DIPK2A: variants seen among roughly 807,000 people sequenced by gnomAD.
DIPK2A encodes Golgi Protein of 49 kDa.
In DIPK2A, 27 loss-of-function variants were observed where a neutral mutation model predicts 39.0. The observed-to-expected ratio is 0.69, with a 90% CI of 0.51 to 0.96. The LOEUF (loss-of-function observed/expected upper bound fraction) is 0.96. Ranked by LOEUF, DIPK2A falls within the 40% of genes least tolerant of loss-of-function variation. The pLI is 0.00. For missense variants in DIPK2A, 528 were observed against 571.3 expected (o/e 0.92, Z 0.77); for synonymous variants, 298 against 240.8 (o/e 1.24, Z -2.20).
intron 1 of DIPK2A, among the ~76,000 whole-genome samples, chr3:143,982,298 G>T (rs1353354011): frequency 1.3e-5 from 2 of 152,140 alleles, no homozygotes; most frequent in Non-Finnish European, 2.9e-5. Context: ...TTTAGTAGGT[G>T]TTTAGGAGGT....
chr3:143,972,416 G>T lies in DIPK2A; in HGVS notation c.84G>T (p.Met28Ile). ...CGCTGGGCAGCCTGTTGGTGCTGAT[G>T]GTGCTGCACTCGCCGTCGCTGCTCG... Reference protein sequence around the residue: ...LAALGSLLVLMVLHSPSLLAS... With the variant: ...LAALGSLLVLIVLHSPSLLAS... Residue 28 changes from methionine to isoleucine, a missense_variant, in exon 1 of 3, where the codon ATG (methionine) becomes ATT (isoleucine). Met to Ile is a conservative substitution (Grantham distance 10, BLOSUM62 1). Coordinates refer to ENST00000315691, the MANE Select transcript of DIPK2A (RefSeq NM_173552.5). 6.5e-7 allele frequency: 1 copy of T among 1,533,416 alleles called. No homozygotes were observed. Among genetic ancestry groups the T allele is most frequent in the Non-Finnish European group, 8.8e-7 (1 of 1,137,698 alleles). 95.0% of individuals were successfully genotyped at this position (1,533,416 alleles called of 1,614,324 possible). A position where few individuals can be genotyped will look rare whatever the true frequency, so the allele number is the denominator to read the frequency against.
At chr3:143,976,584 G>GAGAGAGAGAGAGAGAGAGAGA (rs3083098) in intron 1 of DIPK2A, among the ~76,000 whole-genome samples, 19 of 139,504 alleles carry the variant, frequency 1.4e-4, no homozygotes, top group African/African-American at 2.6e-4. Context: ...GAGAGAGAGA[G>GAGAGAGAGAGAGAGAGAGAGA]ATGCTGTCTG....
intron 1 of DIPK2A, chr3:143,978,607 T>C (rs1428105407): frequency 2.8e-5 from 1 of 35,328 alleles, no homozygotes; most frequent in Non-Finnish European, 4.4e-5. Flanking sequence ...TCTATCTATA[T>C]ATATATATCT....
intron 1 of DIPK2A, among the ~76,000 whole-genome samples, chr3:143,982,534 C>G (rs750667364): frequency 1.3e-5 from 2 of 152,110 alleles, no homozygotes; most frequent in Non-Finnish European, 2.9e-5. Context: ...AAATCCTTTC[C>G]AGACAAGCAA....
Position 143,972,813 on chromosome 3 carries a change from G to A in DIPK2A, c.481G>A (p.Val161Met), listed in dbSNP as rs1020683897. 1.9e-6 allele frequency: 3 copies of A among 1,564,470 alleles called. No homozygotes were observed. The highest frequency in any genetic ancestry group is 1.2e-5 in the South Asian group (1 of 86,306). Residue 161 changes from valine (V) to methionine (M), a missense_variant, in exon 1 of 3, where the codon GTG (valine) becomes ATG (methionine). By Grantham distance (21) the Val-to-Met change is conservative. Around this residue, in one of 2 missense-constraint regions of DIPK2A, gnomAD observed 309 missense variants for 289.8 expected, o/e 1.07. Coordinates refer to ENST00000315691, the MANE Select transcript of DIPK2A (RefSeq NM_173552.5). ...CGTGCGTCTGCTCACGCCCGAGGCGGTGGAGGGCTGGTCGGACCTGGTGCA... is the reference window on the plus strand; with the variant it reads ...CGTGCGTCTGCTCACGCCCGAGGCGATGGAGGGCTGGTCGGACCTGGTGCA... ...GDVRLLTPEA[V>M]EGWSDLVHCP... is the part of the protein sequence containing the mutation.
chr3:143,991,076 A>G lies in DIPK2A; in HGVS notation c.*1235A>G, dbSNP rs931142177. On this transcript the variant is annotated 3_prime_UTR_variant, in exon 3 of 3. Transcript: ENST00000315691. ...TTTGGTCTTCTTTACCTAAGGGTTA[A>G]ACATCAGAACATCAAATTTAATTAT... 2.6e-5 allele frequency: 4 copies of G among 152,576 alleles called. No homozygotes were observed. Among genetic ancestry groups the G allele is most frequent in the Admixed American group, 2.6e-4 (4 of 15,288 alleles). The allele number at this position is 152,576 out of a possible 1,614,324, so 9.5% of individuals were successfully genotyped here.
intron 1 of DIPK2A, among the ~76,000 whole-genome samples, chr3:143,980,856 A>T (rs917948001): frequency 9.9e-5 from 15 of 152,236 alleles, no homozygotes; most frequent in African/African-American, 3.6e-4. Flanking sequence ...TTATGAGGTA[A>T]TGAAGTATTA....
At chr3:143,973,929 A>C (rs1386736296) in intron 1 of DIPK2A, among the ~76,000 whole-genome samples, 1 of 152,156 alleles carries the variant, frequency 6.6e-6, no homozygotes, top group Non-Finnish European at 1.5e-5. Context: ...GCACATTCCC[A>C]CCCAGCTTCA....
At chr3:143,988,273 A>AT (rs2087933437) in intron 2 of DIPK2A, among the ~76,000 whole-genome samples, 1 of 151,854 alleles carries the variant, frequency 6.6e-6, no homozygotes, top group African/African-American at 2.4e-5. Flanking sequence ...TAATTTTTAA[A>AT]TTTTTTGTAG....
intron 1 of DIPK2A, among the ~76,000 whole-genome samples, chr3:143,981,086 A>G (rs191109956): frequency 1.7e-4 from 26 of 152,196 alleles, no homozygotes; most frequent in Non-Finnish European, 3.5e-4. Flanking sequence ...CCTTTTCATG[A>G]CTGTGTTATG....
chr3:143,991,648 A>G lies in DIPK2A; in HGVS notation c.*1807A>G, dbSNP rs768104090. On this transcript the variant is annotated 3_prime_UTR_variant, in exon 3 of 3. Transcript: ENST00000315691. ...ACACATTAGTGCATTGCGTATATCAACTGGCCCTCAATGAAGCATTTAAGT... is the reference window on the plus strand; with the variant it reads ...ACACATTAGTGCATTGCGTATATCAGCTGGCCCTCAATGAAGCATTTAAGT... 2.0e-5 allele frequency: 3 copies of G among 152,624 alleles called. No homozygotes were observed. Among genetic ancestry groups the G allele is most frequent in the Non-Finnish European group, 4.4e-5 (3 of 68,004 alleles). 9.5% of individuals were successfully genotyped at this position (152,624 alleles called of 1,614,324 possible).
chr3:143,986,673 C>T (rs1220923667), intron 2 of DIPK2A, among the ~76,000 whole-genome samples: 2 of 146,980 alleles, frequency 1.4e-5, no homozygotes, highest in Non-Finnish European at 1.5e-5. Flanking sequence ...TGCAGTGAGC[C>T]GAGATTGCGC....
chr3:143,972,079 CGGAGGGCGGGGAGCTAGGA>C lies in DIPK2A; in HGVS notation c.-247_-229del, dbSNP rs1315378657. On this transcript the variant is annotated 5_prime_UTR_variant, in exon 1 of 3. Coordinates refer to ENST00000315691, the MANE Select transcript of DIPK2A (RefSeq NM_173552.5). The stretch of plus-strand genomic sequence containing the variant: ...GGCGTGGAGGAGGCGCCGCCGGAGT[CGGAGGGCGGGGAGCTAGGA>C]GGAGGGAGCTCGAGAGTTGTGGAGA... The C allele has an allele frequency of 2.6e-6, 1 of 382,276 alleles. No homozygotes were observed. The highest frequency in any genetic ancestry group is 4.6e-6 in the Non-Finnish European group (1 of 216,402). The allele number at this position is 382,276 out of a possible 1,614,324, so 23.7% of individuals were successfully genotyped here.
At chr3:143,987,146 A>T (rs1056404633) in intron 2 of DIPK2A, among the ~76,000 whole-genome samples, 1 of 152,058 alleles carries the variant, frequency 6.6e-6, no homozygotes, top group African/African-American at 2.4e-5. Context: ...TCTACTCTCT[A>T]TTTACCTCTT....
chr3:143,974,675 T>G (rs573208404), intron 1 of DIPK2A, among the ~76,000 whole-genome samples: 61 of 152,310 alleles, frequency 4.0e-4, no homozygotes, highest in African/African-American at 1.2e-3. Flanking sequence ...TTACTGTACT[T>G]AAAATGCTGG....
chr3:143,989,933 G>C lies in DIPK2A; in HGVS notation c.*92G>C. On this transcript the variant is annotated 3_prime_UTR_variant, in exon 3 of 3. Coordinates refer to ENST00000315691, the MANE Select transcript of DIPK2A (RefSeq NM_173552.5). ...CGATCTGAAAAAATGAAATTTGGAAGTGTTACATTCAGAGGATGATAAACT... is the reference window on the plus strand; with the variant it reads ...CGATCTGAAAAAATGAAATTTGGAACTGTTACATTCAGAGGATGATAAACT... 2.1e-6 allele frequency: 2 copies of C among 942,608 alleles called. No individual in the cohort carries two copies. Among genetic ancestry groups the C allele is most frequent in the Non-Finnish European group, 3.2e-6 (2 of 627,576 alleles). The allele number at this position is 942,608 out of a possible 1,614,324, so 58.4% of individuals were successfully genotyped here.
intron 1 of DIPK2A, chr3:143,973,794 C>G (rs2087691789): frequency 1.7e-6 from 1 of 576,240 alleles, no homozygotes; most frequent in Admixed American, 3.1e-5. Context: ...GTTGTTTGCT[C>G]TCGTCTGACT....
chr3:143,978,780 C>T (rs1302393544), intron 1 of DIPK2A, among the ~76,000 whole-genome samples: 1 of 148,900 alleles, frequency 6.7e-6, no homozygotes, highest in Non-Finnish European at 1.5e-5. Context: ...GAGATTTTGC[C>T]AATAGATGGG....
At chr3:143,979,839 C>A (rs187962729) in intron 1 of DIPK2A, among the ~76,000 whole-genome samples, 1 of 152,172 alleles carries the variant, frequency 6.6e-6, no homozygotes, top group Non-Finnish European at 1.5e-5. Context: ...TAAAATAACA[C>A]AACCTTACTA....
Sources: allele counts gnomAD v4.1 joint callset (sites outside exome capture counted in the v4.1 genomes callset), GRCh38; gene constraint gnomAD v4.1.1; regional missense constraint gnomAD v4.1.1; transcripts MANE v1.5; gene names NCBI Gene and HGNC (gene_info 2026-07-23, HGNC 2026-07-21).